NLGN4X: variants seen among roughly 807,000 people sequenced by gnomAD.
NLGN4X encodes neuroligin-4, X-linked.
A neutral mutation model predicts 40.3 loss-of-function variants in NLGN4X; 3 were observed. The ratio of observed to expected loss-of-function variants is 0.07; its 90% CI spans 0.03 to 0.19. NLGN4X has a LOEUF of 0.19. Among genes scored for constraint, NLGN4X ranks in the 10% least tolerant of loss-of-function variants. The probability of loss-of-function intolerance (pLI) is 1.00; values close to 1 mark genes in which losing one functional copy is unlikely to be tolerated. For synonymous variants in NLGN4X, 270 were observed against 306.8 expected, an observed-to-expected ratio of 0.88 and a Z score of 1.25; for missense variants, 382 against 708.3, an observed-to-expected ratio of 0.54 and a Z score of 5.23.
At chrX:5,988,793 A>T (rs1484972650) in intron 3 of NLGN4X, among the ~76,000 whole-genome samples, 1 of 112,304 alleles carries the variant, frequency 8.9e-6, no homozygotes, top group Non-Finnish European at 1.9e-5. Context: ...GGCTGGGCGC[A>T]TTGGCTCCCG....
chrX:6,207,143 C>A (rs1018303025), intron 1 of NLGN4X, among the ~76,000 whole-genome samples: 6 of 111,304 alleles, frequency 5.4e-5, no homozygotes, highest in Non-Finnish European at 1.1e-4. Flanking sequence ...TACTTTCAAA[C>A]AGGCATTTTA....
Position 5,940,549 on chromosome X carries a change from C to A in NLGN4X, c.626-31310G>T, listed in dbSNP as rs186670263. On this transcript the variant is annotated intron_variant, in intron 3 of 5. Transcript: ENST00000381095. ...AAAAATACCCCATTAATGCTCAATA[C>A]ACTAAAAGGAATATGTGATACAGTG... is the stretch of plus-strand genomic sequence containing the variant. 4.6e-4 allele frequency among the ~76,000 whole-genome samples: 49 copies of A among 107,167 alleles called. No homozygotes were observed. The East Asian group carries it at 0.013, about 29-fold the overall frequency. 93.1% of individuals were successfully genotyped at this position (107,167 alleles called of 115,157 possible).
chrX:6,176,631 T>A (rs113267419), intron 1 of NLGN4X, among the ~76,000 whole-genome samples: 1 of 111,799 alleles, frequency 8.9e-6, no homozygotes. Context: ...GATGACAGAA[T>A]GAGAAGGACT....
intron 3 of NLGN4X, among the ~76,000 whole-genome samples, chrX:5,956,912 G>T (rs1444717103): frequency 1.8e-5 from 2 of 111,418 alleles, no homozygotes; most frequent in Non-Finnish European, 3.8e-5. Context: ...CTGATTATTG[G>T]CATTTTTTAT....
chrX:6,225,023 CACATATAT>C (rs1569309018), intron 1 of NLGN4X, among the ~76,000 whole-genome samples: 3 of 53,843 alleles, frequency 5.6e-5, no homozygotes, highest in Non-Finnish European at 8.3e-5. Context: ...CACACACACA[CACATATAT>C]GTAGAAATGT....
At chrX:6,148,078 G>A (rs867342429) in intron 2 of NLGN4X, among the ~76,000 whole-genome samples, 4 of 111,802 alleles carry the variant, frequency 3.6e-5, no homozygotes, top group South Asian at 3.7e-4. Context: ...ATTGTACTAC[G>A]AAGAAATTTC....
At chrX:6,154,081 G>C (rs1277070122) in intron 1 of NLGN4X, among the ~76,000 whole-genome samples, 1 of 111,948 alleles carries the variant, frequency 8.9e-6, no homozygotes, top group East Asian at 2.8e-4. Flanking sequence ...ATAATTCTTT[G>C]TTGTGGGGGC....
chrX:6,041,719 A>C (rs1373425017), intron 2 of NLGN4X, among the ~76,000 whole-genome samples: 1 of 112,605 alleles, frequency 8.9e-6, no homozygotes, highest in Non-Finnish European at 1.9e-5. Context: ...ATTTTTCAAC[A>C]CCATATTCCT....
intron 3 of NLGN4X, among the ~76,000 whole-genome samples, chrX:5,981,308 T>G (rs1225685109): frequency 1.8e-5 from 2 of 110,955 alleles, no homozygotes; most frequent in Non-Finnish European, 3.8e-5. Context: ...TCTACAATAT[T>G]TATTAACATT....
At chrX:5,944,650 CAAAAAAAA>C (rs750871231) in intron 3 of NLGN4X, among the ~76,000 whole-genome samples, 2 of 25,576 alleles carry the variant, frequency 7.8e-5, no homozygotes, top group Non-Finnish European at 1.5e-4. Flanking sequence ...GACTCTGTCT[CAAAAAAAA>C]AAAAAAAAAA....
At chrX:5,939,333 G>A (rs2033839067) in intron 3 of NLGN4X, among the ~76,000 whole-genome samples, 1 of 110,564 alleles carries the variant, frequency 9.0e-6, no homozygotes, top group South Asian at 3.8e-4. Context: ...TAGAGAGATG[G>A]TGAAAAATCA....
intron 1 of NLGN4X, among the ~76,000 whole-genome samples, chrX:6,182,480 A>T (rs1164163109): frequency 1.8e-5 from 2 of 112,221 alleles, no homozygotes; most frequent in Non-Finnish European, 3.8e-5. Context: ...CCTGAGATGC[A>T]TCAATCATAC....
intron 3 of NLGN4X, among the ~76,000 whole-genome samples, chrX:6,002,248 T>C (rs1462126017): frequency 8.9e-6 from 1 of 111,900 alleles, no homozygotes; most frequent in Non-Finnish European, 1.9e-5. Context: ...CCTAAGAATG[T>C]GGTTTGAGTG....
intron 3 of NLGN4X, among the ~76,000 whole-genome samples, chrX:5,930,957 T>A (rs1226256809): frequency 8.9e-6 from 1 of 112,196 alleles, no homozygotes; most frequent in Admixed American, 9.5e-5. Flanking sequence ...TCTGCCACAG[T>A]TCTTTAAACT....
chrX:6,133,760 C>T (rs1421303015), intron 2 of NLGN4X, among the ~76,000 whole-genome samples: 3 of 111,684 alleles, frequency 2.7e-5, no homozygotes, highest in Non-Finnish European at 3.8e-5. Context: ...TGACATGGAA[C>T]TTCTGTACTC....
intron 3 of NLGN4X, among the ~76,000 whole-genome samples, chrX:5,926,079 A>G (rs771468420): frequency 5.9e-4 from 61 of 103,909 alleles, no homozygotes; most frequent in African/African-American, 2.0e-3. Context: ...TAATTGAATC[A>G]TGGGGGCAGT....
At chrX:6,058,743 T>C (rs939157486) in intron 2 of NLGN4X, among the ~76,000 whole-genome samples, 8 of 112,017 alleles carry the variant, frequency 7.1e-5, no homozygotes, top group Admixed American at 1.9e-4. Context: ...AATATGATCG[T>C]TGTACTTTTA....
chrX:5,966,478 A>G (rs1190860710), intron 3 of NLGN4X, among the ~76,000 whole-genome samples: 1 of 112,683 alleles, frequency 8.9e-6, no homozygotes, highest in Non-Finnish European at 1.9e-5. Context: ...GATTTGTATT[A>G]CATAGTCTGT....
intron 4 of NLGN4X, among the ~76,000 whole-genome samples, chrX:5,907,337 G>A (rs915525778): frequency 8.1e-5 from 9 of 111,654 alleles, no homozygotes; most frequent in South Asian, 7.5e-4. Flanking sequence ...AATTCCTGTG[G>A]ACTCCTCTTT....
Sources: allele counts gnomAD v4.1 joint callset (sites outside exome capture counted in the v4.1 genomes callset), GRCh38; gene constraint gnomAD v4.1.1; transcripts MANE v1.5; gene names NCBI Gene and HGNC (gene_info 2026-07-23, HGNC 2026-07-21).